The following GRIN2A variants were observed in gnomAD, a reference collection of about 807,000 sequenced individuals.
The protein encoded by GRIN2A is glutamate receptor ionotropic, NMDA 2A.
In GRIN2A, 22 loss-of-function variants were observed where a neutral mutation model predicts 113.4. That is an observed-to-expected ratio of 0.19 (90% confidence interval 0.14 to 0.28). The LOEUF (loss-of-function observed/expected upper bound fraction) is 0.28. Ranked by LOEUF, GRIN2A falls within the 10% of genes least tolerant of loss-of-function variation. The probability of loss-of-function intolerance (pLI) is 1.00; values close to 1 mark genes in which losing one functional copy is unlikely to be tolerated. For synonymous variants in GRIN2A, 827 were observed against 738.4 expected (o/e 1.12, Z -1.94); for missense variants, 1,502 against 1,887.0 (o/e 0.80, Z 3.78).
chr16:9,992,775 A>C (rs2046144062), intron 2 of GRIN2A, among the ~76,000 whole-genome samples: 1 of 152,228 alleles, frequency 6.6e-6, no homozygotes. Context: ...TCTGACACAG[A>C]GAGACAATAC....
At position 9,806,987 on chromosome 16, in the gene GRIN2A, A is replaced by G. The variant is rs535226178; in HGVS notation, c.2169-8523T>C. On this transcript the variant is annotated intron_variant, in intron 10 of 12. Coordinates refer to ENST00000330684, the MANE Select transcript of GRIN2A (RefSeq NM_001134407.3). ...TGGTAGTGAATAAGTCTCATGAGAT[A>G]TGATTGTTTTAGAAGAGTTTTCCTC... 5.7e-4 allele frequency among the ~76,000 whole-genome samples: 86 copies of G among 151,452 alleles called. 1 individual carries two copies. Among genetic ancestry groups the G allele is most frequent in the African/African-American group, 1.9e-3 (77 of 41,234 alleles).
chr16:10,111,695 A>G (rs2048617654), intron 2 of GRIN2A: 1 of 1,565,302 alleles, frequency 6.4e-7, no homozygotes, highest in Non-Finnish European at 8.8e-7. Flanking sequence ...AACGAGGTGC[A>G]TAAGGTCAAG....
At chr16:10,093,655 A>G (rs940502651) in intron 2 of GRIN2A, among the ~76,000 whole-genome samples, 1 of 151,992 alleles carries the variant, frequency 6.6e-6, no homozygotes, top group East Asian at 1.9e-4. Context: ...AGTAGATTGC[A>G]TGATTGCACA....
At chr16:10,147,664 A>G (rs930465992) in intron 2 of GRIN2A, among the ~76,000 whole-genome samples, 19 of 151,582 alleles carry the variant, frequency 1.3e-4, no homozygotes, top group South Asian at 2.1e-4. Flanking sequence ...AAGAAGAAGA[A>G]GAAGTGTATA....
At chr16:9,959,848 C>T (rs1596363817) in intron 2 of GRIN2A, among the ~76,000 whole-genome samples, 1 of 152,166 alleles carries the variant, frequency 6.6e-6, no homozygotes, top group African/African-American at 2.4e-5. Flanking sequence ...GTGGCGCATG[C>T]CTGTGATCCC....
At position 10,048,938 on chromosome 16, in the gene GRIN2A, G is replaced by A. The variant is rs530523604; in HGVS notation, c.415-110387C>T. ...TCCTGCTGACGTGGAGGAAGGAGCC[G>A]AGGGAGAGATCTCTCTGGCCCCAGC... is the stretch of plus-strand genomic sequence containing the variant. On this transcript the variant is annotated intron_variant, in intron 2 of 12. Coordinates refer to ENST00000330684, the MANE Select transcript of GRIN2A (RefSeq NM_001134407.3). 1.2e-4 allele frequency among the ~76,000 whole-genome samples: 19 copies of A among 152,270 alleles called. No homozygotes were observed. The South Asian group carries it at 2.5e-3, about 20-fold the overall frequency.
Position 9,799,049 on chromosome 16 carries a change from C to T in GRIN2A, c.2169-585G>A, listed in dbSNP as rs543323348. ...CTTTGTTAACATGTTAGTGAACAGC[C>T]TTCCAAATGTTTTAGTGAGTATGCA... On this transcript the variant is annotated intron_variant, in intron 10 of 12. Coordinates refer to ENST00000330684, the MANE Select transcript of GRIN2A (RefSeq NM_001134407.3). Among the ~76,000 whole-genome samples the T allele has an allele frequency of 4.6e-5, 7 of 152,284 alleles. No homozygotes were observed. The South Asian group carries it at 1.2e-3, about 27-fold the overall frequency.
At chr16:10,107,411 C>G (rs989156999) in intron 2 of GRIN2A, among the ~76,000 whole-genome samples, 1 of 152,164 alleles carries the variant, frequency 6.6e-6, no homozygotes, top group African/African-American at 2.4e-5. Flanking sequence ...TGAAACTGCC[C>G]TGAGCTGACT....
chr16:10,117,630 G>T (rs1386319747), intron 2 of GRIN2A, among the ~76,000 whole-genome samples: 1 of 152,306 alleles, frequency 6.6e-6, no homozygotes, highest in African/African-American at 2.4e-5. Context: ...ACAGGGACCA[G>T]GAGCATATAA....
intron 2 of GRIN2A, among the ~76,000 whole-genome samples, chr16:9,941,592 C>T (rs1017417801): frequency 6.6e-6 from 1 of 152,188 alleles, no homozygotes; most frequent in African/African-American, 2.4e-5. Flanking sequence ...TTCGCAGCCT[C>T]TCTGCAGAAA....
At chr16:9,865,418 C>T (rs1361296202) in intron 4 of GRIN2A, among the ~76,000 whole-genome samples, 2 of 152,198 alleles carry the variant, frequency 1.3e-5, no homozygotes, top group African/African-American at 4.8e-5. Context: ...AGCCTCTCAG[C>T]ATTGCTTTTC....
At chr16:9,875,513 G>A (rs2043346525) in intron 4 of GRIN2A, among the ~76,000 whole-genome samples, 1 of 152,130 alleles carries the variant, frequency 6.6e-6, no homozygotes, top group Non-Finnish European at 1.5e-5. Context: ...ATTGCTGGGG[G>A]GAGCAGCTCT....
chr16:9,941,529 C>A (rs1413166570), intron 2 of GRIN2A, among the ~76,000 whole-genome samples: 1 of 152,194 alleles, frequency 6.6e-6, no homozygotes, highest in Non-Finnish European at 1.5e-5. Context: ...CCCTGTCATG[C>A]CAAACTTCAG....
intron 3 of GRIN2A, among the ~76,000 whole-genome samples, chr16:9,934,120 A>C (rs910134990): frequency 3.3e-5 from 5 of 152,228 alleles, no homozygotes; most frequent in African/African-American, 1.2e-4. Context: ...ATGTTGAAAC[A>C]AACATTAACC....
intron 3 of GRIN2A, among the ~76,000 whole-genome samples, chr16:9,904,408 G>A (rs919082899): frequency 3.3e-5 from 5 of 151,898 alleles, no homozygotes; most frequent in Non-Finnish European, 5.9e-5. Flanking sequence ...GTCTTGCTCT[G>A]TCACCCAGCC....
At position 9,759,767 on chromosome 16, in the gene GRIN2A, C is replaced by G. The variant is rs2141117746; in HGVS notation, c.*3382G>C. ...ATTGTGAGATTATAATCCTGCAAGTCTCTCTGGCAGAAAGATAGACCTATA... is the reference window on the plus strand; with the variant it reads ...ATTGTGAGATTATAATCCTGCAAGTGTCTCTGGCAGAAAGATAGACCTATA... On this transcript the variant is annotated 3_prime_UTR_variant, in exon 13 of 13. Transcript: ENST00000330684. The G allele has an allele frequency of 4.4e-6, 1 of 228,336 alleles. No homozygotes were observed. Among genetic ancestry groups the G allele is most frequent in the African/African-American group, 2.2e-5 (1 of 45,154 alleles). 14.1% of individuals were successfully genotyped at this position (228,336 alleles called of 1,614,324 possible).
rs565147665 is a variant in GRIN2A, at chr16:10,077,126, G to T, written c.414+102872C>A. ...AGCGACCACAAGCCAAAGGGTACAG[G>T]CAGCCTCTAAAAGCTGGAAAGCCCA... On this transcript the variant is annotated intron_variant, in intron 2 of 12. Transcript: ENST00000330684. Among the ~76,000 whole-genome samples the T allele has an allele frequency of 8.3e-4, 126 of 152,278 alleles. 1 individual carries two copies. Among genetic ancestry groups the T allele is most frequent in the Middle Eastern group, 3.4e-3 (1 of 294 alleles).
intron 2 of GRIN2A, among the ~76,000 whole-genome samples, chr16:10,056,854 G>C (rs915556959): frequency 6.6e-6 from 1 of 152,184 alleles, no homozygotes; most frequent in East Asian, 1.9e-4. Context: ...CTAGCCTCTA[G>C]AACTGTGATA....
At chr16:9,951,875 TC>T (rs1213467538) in intron 2 of GRIN2A, among the ~76,000 whole-genome samples, 1 of 152,114 alleles carries the variant, frequency 6.6e-6, no homozygotes, top group Non-Finnish European at 1.5e-5. Flanking sequence ...GCCCATGTGT[TC>T]TTCAACCTCA....
Sources: allele counts gnomAD v4.1 joint callset (sites outside exome capture counted in the v4.1 genomes callset), GRCh38; gene constraint gnomAD v4.1.1; transcripts MANE v1.5; gene names NCBI Gene and HGNC (gene_info 2026-07-23, HGNC 2026-07-21).